The following SPAG16 variants were observed in gnomAD, a reference collection of about 807,000 sequenced individuals.
SPAG16 encodes the protein sperm associated antigen 16.
Under a neutral mutation model 80.4 loss-of-function variants are expected in SPAG16, and 86 were observed. The ratio of observed to expected loss-of-function variants is 1.07; its 90% CI spans 0.90 to 1.28. SPAG16 has a LOEUF of 1.28. Ranked by LOEUF, SPAG16 falls within the 50% of genes most tolerant of loss-of-function variation. The pLI, the probability that SPAG16 is intolerant of heterozygous loss-of-function variation, is 0.00. For missense variants in SPAG16, 870 were observed against 765.3 expected (o/e 1.14, Z -1.61); for synonymous variants, 294 against 265.9 (o/e 1.11, Z -1.03).
At chr2:213,811,592 C>A (rs2072156775) in intron 10 of SPAG16, among the ~76,000 whole-genome samples, 1 of 152,068 alleles carries the variant, frequency 6.6e-6, no homozygotes, top group Admixed American at 6.5e-5. Context: ...ATTTCACTGC[C>A]AACCGACAAG....
At chr2:213,694,010 A>G (rs139773178) in intron 10 of SPAG16, among the ~76,000 whole-genome samples, 125 of 151,206 alleles carry the variant, frequency 8.3e-4, no homozygotes, top group Middle Eastern at 3.4e-3. Context: ...AAATACTGAA[A>G]TGTACTTCAT....
chr2:214,076,185 T>G (rs6715997), intron 13 of SPAG16, among the ~76,000 whole-genome samples: 2 of 151,972 alleles, frequency 1.3e-5, no homozygotes, highest in Admixed American at 1.3e-4. Flanking sequence ...ATTTGGAATG[T>G]CTTGCATGAT....
At chr2:213,320,278 T>G (rs543590779) in intron 5 of SPAG16, among the ~76,000 whole-genome samples, 2 of 152,120 alleles carry the variant, frequency 1.3e-5, no homozygotes, top group East Asian at 3.9e-4. Flanking sequence ...TTGATACATA[T>G]GTATCAAATA....
chr2:214,147,833 G>T (rs552939459), intron 14 of SPAG16, among the ~76,000 whole-genome samples: 40 of 152,054 alleles, frequency 2.6e-4, no homozygotes, highest in Admixed American at 1.6e-3. Flanking sequence ...TTGCATTACT[G>T]GTGTGTTTAG....
intron 10 of SPAG16, among the ~76,000 whole-genome samples, chr2:213,603,372 A>G (rs939134016): frequency 6.6e-6 from 1 of 152,246 alleles, no homozygotes; most frequent in Non-Finnish European, 1.5e-5. Flanking sequence ...CATTTTCCGT[A>G]TCTTGCCAAC....
chr2:214,165,084 T>C (rs2056592881), intron 15 of SPAG16, among the ~76,000 whole-genome samples: 1 of 152,182 alleles, frequency 6.6e-6, no homozygotes, highest in Admixed American at 6.5e-5. Context: ...TTGATGTTGA[T>C]AACATTTAGA....
chr2:213,860,651 A>G (rs1309531152), intron 10 of SPAG16, among the ~76,000 whole-genome samples: 1 of 151,952 alleles, frequency 6.6e-6, no homozygotes, highest in Non-Finnish European at 1.5e-5. Context: ...GAGAAGAGTC[A>G]GAAAAAAGTA....
intron 12 of SPAG16, among the ~76,000 whole-genome samples, chr2:213,992,718 C>T (rs1169336006): frequency 6.6e-6 from 1 of 152,068 alleles, no homozygotes; most frequent in Non-Finnish European, 1.5e-5. Context: ...ATGCTAATTA[C>T]AAAAGCCTGA....
At chr2:214,330,574 G>A (rs116735922) in intron 15 of SPAG16, among the ~76,000 whole-genome samples, 1 of 152,320 alleles carries the variant, frequency 6.6e-6, no homozygotes, top group African/African-American at 2.4e-5. Flanking sequence ...CAGAAGCTCA[G>A]TTGATCCTAC....
At chr2:213,886,247 G>A (rs1041114598) in intron 11 of SPAG16, among the ~76,000 whole-genome samples, 61 of 152,220 alleles carry the variant, frequency 4.0e-4, no homozygotes, top group African/African-American at 1.4e-3. Flanking sequence ...GAAAATTAGA[G>A]TAATATTTTT....
At chr2:214,253,838 A>G (rs1690481830) in intron 15 of SPAG16, among the ~76,000 whole-genome samples, 1 of 152,096 alleles carries the variant, frequency 6.6e-6, no homozygotes, top group South Asian at 2.1e-4. Flanking sequence ...CAGTTCTGTG[A>G]GGAAAGTCAA....
intron 10 of SPAG16, among the ~76,000 whole-genome samples, chr2:213,674,309 G>T (rs1002783359): frequency 4.0e-5 from 6 of 150,254 alleles, no homozygotes; most frequent in Non-Finnish European, 5.9e-5. Context: ...AATAAGATGT[G>T]ATTTTTTTTC....
At chr2:213,672,619 G>T (rs552479506) in intron 10 of SPAG16, among the ~76,000 whole-genome samples, 1 of 151,920 alleles carries the variant, frequency 6.6e-6, no homozygotes, top group East Asian at 1.9e-4. Flanking sequence ...TGAGTCTATT[G>T]TCATGTCATA....
At chr2:214,394,145 C>G (rs1447716763) in intron 15 of SPAG16, among the ~76,000 whole-genome samples, 2 of 152,132 alleles carry the variant, frequency 1.3e-5, no homozygotes, top group Non-Finnish European at 2.9e-5. Flanking sequence ...AGGCATCTCT[C>G]TTTGTCTCTG....
intron 11 of SPAG16, among the ~76,000 whole-genome samples, chr2:213,914,743 T>C (rs934710858): frequency 3.9e-5 from 6 of 152,200 alleles, no homozygotes; most frequent in Non-Finnish European, 5.9e-5. Context: ...ATGAGTGATA[T>C]TGATCTTTAT....
intron 10 of SPAG16, among the ~76,000 whole-genome samples, chr2:213,636,352 G>C (rs2062361426): frequency 6.6e-6 from 1 of 152,094 alleles, no homozygotes; most frequent in Non-Finnish European, 1.5e-5. Context: ...CATGACTATA[G>C]CCTTGTAGTA....
At chr2:213,983,495 C>T (rs1335056469) in intron 12 of SPAG16, among the ~76,000 whole-genome samples, 1 of 151,838 alleles carries the variant, frequency 6.6e-6, no homozygotes, top group Admixed American at 6.6e-5. Context: ...CTGCTTAATG[C>T]ACTCAAAATT....
intron 9 of SPAG16, among the ~76,000 whole-genome samples, chr2:213,441,391 C>A (rs1206076972): frequency 1.3e-5 from 2 of 152,118 alleles, no homozygotes; most frequent in Admixed American, 1.3e-4. Context: ...CAGCTAGAAA[C>A]AACATATCTA....
intron 10 of SPAG16, among the ~76,000 whole-genome samples, chr2:213,800,182 T>C (rs551575054): frequency 6.6e-6 from 1 of 152,128 alleles, no homozygotes; most frequent in African/African-American, 2.4e-5. Flanking sequence ...ACAGTCTCAG[T>C]TTATACTTAT....
Sources: gnomAD v4.1 joint callset for allele counts (sites outside exome capture counted in the v4.1 genomes callset) on GRCh38, gnomAD v4.1.1 for gene constraint, MANE v1.5 for transcripts, NCBI Gene and HGNC (gene_info 2026-07-23, HGNC 2026-07-21) for gene names.